RBFOX1: variants seen among roughly 807,000 people sequenced by gnomAD.
The protein encoded by RBFOX1 is RNA binding protein fox-1 homolog 1.
RBFOX1 carries 8 observed loss-of-function variants against 57.7 expected under a neutral mutation model. The ratio of observed to expected loss-of-function variants is 0.14; its 90% CI spans 0.08 to 0.25. RBFOX1 has a LOEUF of 0.25. Ranked by LOEUF, RBFOX1 falls within the 10% of genes least tolerant of loss-of-function variation. The pLI is 1.00. For missense variants in RBFOX1, 611 were observed against 548.5 expected, an observed-to-expected ratio of 1.11 and a Z score of -1.14; for synonymous variants, 326 against 222.4, an observed-to-expected ratio of 1.47 and a Z score of -4.15.
intron 11 of RBFOX1, among the ~76,000 whole-genome samples, chr16:7,639,130 A>C (rs1420639874): frequency 6.6e-6 from 1 of 152,200 alleles, no homozygotes; most frequent in East Asian, 1.9e-4. Flanking sequence ...TTTTGCTTGC[A>C]CAATGATCAA....
intron 3 of RBFOX1, among the ~76,000 whole-genome samples, chr16:6,759,953 G>C (rs1488921182): frequency 2.0e-5 from 3 of 152,150 alleles, no homozygotes; most frequent in African/African-American, 7.2e-5. Context: ...TTAGTTGAGA[G>C]GATATTTTGT....
chr16:6,526,437 C>T (rs898470614), intron 2 of RBFOX1, among the ~76,000 whole-genome samples: 1 of 152,170 alleles, frequency 6.6e-6, no homozygotes, highest in Non-Finnish European at 1.5e-5. Flanking sequence ...AGTCACACTA[C>T]ATTGCTGTAG....
intron 4 of RBFOX1, among the ~76,000 whole-genome samples, chr16:7,216,516 A>G (rs2092071293): frequency 6.6e-6 from 1 of 152,146 alleles, no homozygotes. Flanking sequence ...CGTCTACTTC[A>G]TGGGTTATTG....
chr16:7,694,173 A>G (rs1206235303), intron 14 of RBFOX1, among the ~76,000 whole-genome samples: 5 of 152,168 alleles, frequency 3.3e-5, no homozygotes, highest in Non-Finnish European at 7.3e-5. Context: ...CAAAACAATC[A>G]CTAGGAAGTC....
intron 4 of RBFOX1, among the ~76,000 whole-genome samples, chr16:7,265,964 G>GTTTTT (rs1204871254): frequency 4.3e-5 from 3 of 70,236 alleles, no homozygotes; most frequent in Admixed American, 1.6e-4. Flanking sequence ...GTGGGTTTTT[G>GTTTTT]TTTTTTTTTT....
rs541033453 is a variant in RBFOX1, at chr16:5,342,876, A to G, written c.219+102771A>G. ...TCTTTCCCTATTGTACAGCAGAGCC[A>G]TGCAGTTTGTGGGGTATAGGGAGAT... is the stretch of plus-strand genomic sequence containing the variant. On this transcript the variant is annotated intron_variant, in intron 1 of 2. Transcript: ENST00000585867. Among the ~76,000 whole-genome samples, 83 of 152,314 alleles carry G rather than the reference A, an allele frequency of 5.4e-4. 2 individuals carry two copies. In the South Asian group the frequency reaches 0.017, roughly 31 times the overall value.
chr16:5,548,170 A>ATATATATATATATATAT (rs1317008346), intron 2 of RBFOX1, among the ~76,000 whole-genome samples: 138 of 40,436 alleles, frequency 3.4e-3, no homozygotes, highest in Non-Finnish European at 6.2e-3. Context: ...AAAAAAAAAA[A>ATATATATATATATATAT]AAAAATATAT....
chr16:5,306,751 G>A (rs1196421568), intron 1 of RBFOX1, among the ~76,000 whole-genome samples: 1 of 152,174 alleles, frequency 6.6e-6, no homozygotes, highest in Admixed American at 6.5e-5. Flanking sequence ...ATCACTTTAT[G>A]CCTTTTATCT....
chr16:6,656,841 C>G (rs1603053044), intron 3 of RBFOX1, among the ~76,000 whole-genome samples: 2 of 151,528 alleles, frequency 1.3e-5, no homozygotes, highest in African/African-American at 4.9e-5. Context: ...TCTCTAAGGA[C>G]TTTTTTTAAA....
At chr16:6,974,082 C>G (rs998480617) in intron 3 of RBFOX1, among the ~76,000 whole-genome samples, 1 of 152,122 alleles carries the variant, frequency 6.6e-6, no homozygotes, top group East Asian at 1.9e-4. Context: ...CCAGCTGCAT[C>G]CATGTCCCTG....
chr16:5,877,795 G>T (rs2151912795), intron 4 of RBFOX1, among the ~76,000 whole-genome samples: 1 of 152,324 alleles, frequency 6.6e-6, no homozygotes, highest in African/African-American at 2.4e-5. Flanking sequence ...TTAGAAATAG[G>T]GTGGTAACTT....
chr16:5,383,915 G>A (rs963775027), intron 1 of RBFOX1, among the ~76,000 whole-genome samples: 1 of 152,342 alleles, frequency 6.6e-6, no homozygotes, highest in Non-Finnish European at 1.5e-5. Flanking sequence ...AGCTTGGCCA[G>A]TGTCATCAGG....
intron 3 of RBFOX1, among the ~76,000 whole-genome samples, chr16:6,804,005 C>G (rs778703395): frequency 6.6e-6 from 1 of 151,280 alleles, no homozygotes; most frequent in East Asian, 1.9e-4. Context: ...ACATAAAACT[C>G]ATACAATTTT....
At chr16:5,285,065 C>A (rs2063360059) in intron 1 of RBFOX1, among the ~76,000 whole-genome samples, 1 of 151,956 alleles carries the variant, frequency 6.6e-6, no homozygotes, top group Non-Finnish European at 1.5e-5. Flanking sequence ...ATGCCTTTAC[C>A]CATCTCATCT....
At chr16:7,562,617 G>A (rs970588379) in intron 5 of RBFOX1, among the ~76,000 whole-genome samples, 2 of 152,068 alleles carry the variant, frequency 1.3e-5, no homozygotes, top group African/African-American at 2.4e-5. Flanking sequence ...GAATGAGATG[G>A]GAGGCAAAAA....
chr16:7,163,203 G>C (rs1040421153), intron 4 of RBFOX1, among the ~76,000 whole-genome samples: 8 of 152,078 alleles, frequency 5.3e-5, no homozygotes, highest in African/African-American at 1.2e-4. Flanking sequence ...TGACTTGCCT[G>C]AGTTAAAGCA....
intron 11 of RBFOX1, among the ~76,000 whole-genome samples, chr16:7,650,311 CTCTTT>C (rs2064753871): frequency 7.7e-6 from 1 of 130,262 alleles, no homozygotes; most frequent in Non-Finnish European, 1.6e-5. Context: ...CTGTGGAACT[CTCTTT>C]TTTTTTTTTT....
intron 3 of RBFOX1, among the ~76,000 whole-genome samples, chr16:5,701,538 G>A (rs916986984): frequency 6.6e-6 from 1 of 152,080 alleles, no homozygotes; most frequent in Admixed American, 6.6e-5. Context: ...TGCCTCCTGG[G>A]CTCAAGCCAT....
At position 6,714,585 on chromosome 16, in the gene RBFOX1, A is replaced by G. The variant is rs1303075190; in HGVS notation, c.-16+59935A>G. On this transcript the variant is annotated intron_variant, in intron 3 of 15. Coordinates refer to ENST00000550418, the MANE Select transcript of RBFOX1 (RefSeq NM_018723.4). ...AGGGGTTCTGCTTTTCCTGCTGCAC[A>G]GGTAGGAAATGTGATTTCAGCATCA... Among the ~76,000 whole-genome samples, 21 of 152,214 alleles carry G rather than the reference A, an allele frequency of 1.4e-4. 1 individual carries two copies. In the South Asian group the frequency reaches 3.7e-3, roughly 27 times the overall value.
Sources: allele counts gnomAD v4.1 joint callset (sites outside exome capture counted in the v4.1 genomes callset), GRCh38; gene constraint gnomAD v4.1.1; transcripts MANE v1.5; gene names NCBI Gene and HGNC (gene_info 2026-07-23, HGNC 2026-07-21).